The following ADAMTS9 variants were observed in gnomAD, a reference collection of about 807,000 sequenced individuals.
ADAMTS9 encodes the protein A disintegrin and metalloproteinase with thrombospondin motifs 9.
A neutral mutation model predicts 257.1 loss-of-function variants in ADAMTS9; 107 were observed. That is an observed-to-expected ratio of 0.42 (90% CI 0.36 to 0.49). The LOEUF (loss-of-function observed/expected upper bound fraction) is 0.49, where lower values mean the gene tolerates loss of function less well. Ranked by LOEUF, ADAMTS9 falls within the 20% of genes least tolerant of loss-of-function variation. The pLI is 0.03. For synonymous variants in ADAMTS9, 982 were observed against 880.9 expected (o/e 1.11, Z -2.03); for missense variants, 2,353 against 2,469.1 (o/e 0.95, Z 1.00).
At chr3:64,532,906 G>GT (rs1553700005) in intron 38 of ADAMTS9, among the ~76,000 whole-genome samples, 2 of 152,148 alleles carry the variant, frequency 1.3e-5, no homozygotes, top group Non-Finnish European at 2.9e-5. Context: ...TGGTTAGGTG[G>GT]TTTTTCTAAT....
At chr3:64,642,446 G>T (rs1559806809) in intron 11 of ADAMTS9, among the ~76,000 whole-genome samples, 2 of 150,916 alleles carry the variant, frequency 1.3e-5, no homozygotes, top group South Asian at 2.1e-4. Flanking sequence ...TGGAGAGGGG[G>T]GAAAAAAAAA....
chr3:64,631,031 C>T (rs975892027), intron 16 of ADAMTS9, among the ~76,000 whole-genome samples: 4 of 152,146 alleles, frequency 2.6e-5, no homozygotes, highest in African/African-American at 7.2e-5. Context: ...AATAAGTCTA[C>T]CAGTGGTCTG....
intron 28 of ADAMTS9, chr3:64,592,349 C>G (rs1331239182): frequency 6.6e-6 from 1 of 152,174 alleles, no homozygotes; most frequent in African/African-American, 2.4e-5. Context: ...TTCTTTCTCT[C>G]TCTCTCTTTC....
At chr3:64,675,169 A>T (rs915279602) in intron 3 of ADAMTS9, among the ~76,000 whole-genome samples, 1 of 152,236 alleles carries the variant, frequency 6.6e-6, no homozygotes, top group Non-Finnish European at 1.5e-5. Flanking sequence ...TTATAACCTC[A>T]GGCAAGTCAA....
chr3:64,604,179 T>C (rs760269646), intron 24 of ADAMTS9, 48 bp downstream of exon 24: 40 of 1,600,482 alleles, frequency 2.5e-5, no homozygotes, highest in Non-Finnish European at 5.1e-6. Context: ...TGTCTGAGAA[T>C]GTTAGCCCCC....
chr3:64,577,362 G>C (rs73832333), intron 28 of ADAMTS9, among the ~76,000 whole-genome samples: 2 of 152,076 alleles, frequency 1.3e-5, no homozygotes, highest in African/African-American at 4.8e-5. Flanking sequence ...AAGGTTTACC[G>C]GGTGATTATT....
chr3:64,610,312 A>G (rs912530109), intron 22 of ADAMTS9, among the ~76,000 whole-genome samples: 10 of 152,314 alleles, frequency 6.6e-5, no homozygotes, highest in African/African-American at 2.4e-4. Context: ...CAAAGTAAAA[A>G]GGCAACACAG....
chr3:64,560,257 C>A (rs1452412291), intron 30 of ADAMTS9, among the ~76,000 whole-genome samples: 1 of 152,168 alleles, frequency 6.6e-6, no homozygotes, highest in African/African-American at 2.4e-5. Flanking sequence ...GGCTCAAGAG[C>A]TGTTAATCTG....
Position 64,516,695 on chromosome 3 carries a change from T to C in ADAMTS9, c.*432A>G, listed in dbSNP as rs2082779420. Reference sequence around the variant, plus strand: ...AAAAATATCTTTTATACAACTCTTATAGCACCTTGATGATGGCTAGATTGT... The same window carrying C: ...AAAAATATCTTTTATACAACTCTTACAGCACCTTGATGATGGCTAGATTGT... On this transcript the variant is annotated 3_prime_UTR_variant, in exon 40 of 40. Coordinates refer to ENST00000498707, the MANE Select transcript of ADAMTS9 (RefSeq NM_182920.2). 1 of 152,790 alleles carries C rather than the reference T, an allele frequency of 6.5e-6. No individual in the cohort carries two copies. Among genetic ancestry groups the C allele is most frequent in the East Asian group, 1.9e-4 (1 of 5,184 alleles). 9.5% of individuals were successfully genotyped at this position (152,790 alleles called of 1,614,324 possible). A position where few individuals can be genotyped will look rare whatever the true frequency, so the allele number is the denominator to read the frequency against.
chr3:64,682,166 C>T (rs1034146063), intron 2 of ADAMTS9, among the ~76,000 whole-genome samples: 6 of 152,204 alleles, frequency 3.9e-5, no homozygotes, highest in Admixed American at 1.3e-4. Context: ...CCAGCACCTA[C>T]CCATTCACCT....
chr3:64,609,677 A>T (rs2084629096), intron 22 of ADAMTS9, among the ~76,000 whole-genome samples: 1 of 152,210 alleles, frequency 6.6e-6, no homozygotes, highest in African/African-American at 2.4e-5. Context: ...GGATTAAAAG[A>T]TTTAGTATTG....
At position 64,541,315 on chromosome 3, in the gene ADAMTS9, C is replaced by G; in HGVS notation, c.5387+5G>C. 6.2e-7 allele frequency: 1 copy of G among 1,614,158 alleles called. No homozygotes were observed. The highest frequency in any genetic ancestry group is 8.5e-7 in the Non-Finnish European group (1 of 1,179,998). The stretch of plus-strand genomic sequence containing the variant: ...TCTGAGATCTTCTGAGCCTGGCTCT[C>G]CTACCTGTGCCCATAAACCTCGGAG... On this transcript the variant is annotated splice_donor_5th_base_variant and intron_variant, in intron 35 of 39. Coordinates refer to ENST00000498707, the MANE Select transcript of ADAMTS9 (RefSeq NM_182920.2).
At position 64,561,418 on chromosome 3, in the gene ADAMTS9, T is replaced by G. The variant is rs536150566; in HGVS notation, c.4698+160A>C. ...AAAACAAGAAGTTCTCCCACCCTTG[T>G]TGGAGCGAATGCGCGAGTCTGACAG... On this transcript the variant is annotated intron_variant, in intron 30 of 39. Transcript: ENST00000498707. The G allele has an allele frequency of 2.6e-5, 17 of 664,488 alleles. No individual in the cohort carries two copies. In the African/African-American group the frequency reaches 2.7e-4, roughly 11 times the overall value. The allele number at this position is 664,488 out of a possible 1,614,324, so 41.2% of individuals were successfully genotyped here.
chr3:64,671,894 TATC>T (rs1211267309), intron 3 of ADAMTS9, among the ~76,000 whole-genome samples: 8 of 152,214 alleles, frequency 5.3e-5, no homozygotes, highest in Admixed American at 3.9e-4. Context: ...ATGATACAAT[TATC>T]ATAAAGAAAC....
At chr3:64,590,182 C>G (rs1017190426) in intron 28 of ADAMTS9, 17 of 152,080 alleles carry the variant, frequency 1.1e-4, no homozygotes, top group Non-Finnish European at 1.5e-5. Flanking sequence ...GTTTATAAAT[C>G]TAAGCATCAT....
intron 10 of ADAMTS9, among the ~76,000 whole-genome samples, chr3:64,648,824 T>G (rs1170395793): frequency 6.6e-6 from 1 of 152,206 alleles, no homozygotes; most frequent in South Asian, 2.1e-4. Flanking sequence ...TTGTTTAACC[T>G]TTCTTTTGCT....
In ADAMTS9 at chr3:64,580,684, G is replaced by A. The variant is rs141412452; in HGVS notation, c.4357-12149C>T. Among the ~76,000 whole-genome samples the A allele has an allele frequency of 2.0e-5, 3 of 152,226 alleles. No homozygotes were observed. In the East Asian group the frequency reaches 5.8e-4, roughly 29 times the overall value. The stretch of plus-strand genomic sequence containing the variant: ...AAAGCCATTCAAAACTAAGTGAAAT[G>A]TAAAAAAAGATCCTATTCAGAAATG... On this transcript the variant is annotated intron_variant, in intron 28 of 39. Transcript: ENST00000498707.
intron 11 of ADAMTS9, among the ~76,000 whole-genome samples, chr3:64,642,872 A>G (rs890599281): frequency 2.0e-5 from 3 of 152,090 alleles, no homozygotes; most frequent in African/African-American, 7.2e-5. Context: ...GGAGAGGCAG[A>G]GAGGTCTGAA....
chr3:64,655,726 T>G, intron 5 of ADAMTS9, 35 bp from the exon 6 acceptor site: 1 of 1,597,468 alleles, frequency 6.3e-7, no homozygotes. Flanking sequence ...TAATCTGTTG[T>G]ACCGATCCCA....
Sources: allele counts gnomAD v4.1 joint callset (sites outside exome capture counted in the v4.1 genomes callset), GRCh38; gene constraint gnomAD v4.1.1; transcripts MANE v1.5; gene names NCBI Gene and HGNC (gene_info 2026-07-23, HGNC 2026-07-21).